The following TRAPPC11 variants were observed in gnomAD, a reference collection of about 807,000 sequenced individuals.
TRAPPC11 encodes trafficking protein particle complex subunit 11, also known as foie gras homolog.
Under a neutral mutation model 151.2 loss-of-function variants are expected in TRAPPC11, and 104 were observed. The observed-to-expected ratio is 0.69, with a 90% CI of 0.59 to 0.81. TRAPPC11 has a LOEUF of 0.81. TRAPPC11 is among the 30% of genes least tolerant of loss of function. The pLI is 0.00. For synonymous variants in TRAPPC11, 456 were observed against 472.3 expected (o/e 0.97, Z 0.45); for missense variants, 1,230 against 1,349.6 (o/e 0.91, Z 1.39).
chr4:183,706,298 T>A (rs991365319), intron 27 of TRAPPC11, among the ~76,000 whole-genome samples: 1 of 152,100 alleles, frequency 6.6e-6, no homozygotes, highest in Non-Finnish European at 1.5e-5. Context: ...CCAAGGTGGG[T>A]GGATCACGAG....
intron 29 of TRAPPC11, among the ~76,000 whole-genome samples, chr4:183,709,659 C>T (rs1737244219): frequency 6.6e-6 from 1 of 152,104 alleles, no homozygotes; most frequent in African/African-American, 2.4e-5. Context: ...CCTGTAGTTC[C>T]AGCTACTTGG....
chr4:183,665,140 G>C lies in TRAPPC11; in HGVS notation c.204+1069G>C, dbSNP rs1407842255. Among the ~76,000 whole-genome samples the C allele has an allele frequency of 2.7e-5, 4 of 147,024 alleles. No individual in the cohort carries two copies. The South Asian group carries it at 6.5e-4, about 24-fold the overall frequency. On this transcript the variant is annotated intron_variant, in intron 2 of 29. Coordinates refer to ENST00000334690, the MANE Select transcript of TRAPPC11 (RefSeq NM_021942.6). ...GACGGAGTCTCGCTCTGTCCCCGAGGCTGGAGTGCTGTGGCGCGATATCGG... is the reference window on the plus strand; with the variant it reads ...GACGGAGTCTCGCTCTGTCCCCGAGCCTGGAGTGCTGTGGCGCGATATCGG...
In TRAPPC11 at chr4:183,666,345, T is replaced by C; in HGVS notation, c.293T>C (p.Val98Ala). Residue 98 changes from valine (V) to alanine (A), a missense_variant, in exon 3 of 30, where the codon GTT (valine) becomes GCT (alanine). Val to Ala is a moderately conservative substitution (Grantham distance 64, BLOSUM62 0). Coordinates refer to ENST00000334690, the MANE Select transcript of TRAPPC11 (RefSeq NM_021942.6). ...KHLNLVPALV[V>A]VFYELDWDEP... ...CTGAATCTGGTGCCAGCCCTGGTGG[T>C]TGTGTTCTATGAACTGGACTGGGAT... The C allele has an allele frequency of 6.2e-7, 1 of 1,614,144 alleles. No homozygotes were observed. Among genetic ancestry groups the C allele is most frequent in the East Asian group, 2.2e-5 (1 of 44,886 alleles).
At position 183,679,430 on chromosome 4, in the gene TRAPPC11, G is replaced by T. The variant is rs1423801424; in HGVS notation, c.909G>T (p.Lys303Asn). Reference sequence around the variant, plus strand: ...TCCGAAAACACATCGACTTGTGTAAGAAAAAGATTGGAAGTGCAGAGCTGT... The same window carrying T: ...TCCGAAAACACATCGACTTGTGTAATAAAAAGATTGGAAGTGCAGAGCTGT... Reference protein sequence around the residue: ...AQFRKHIDLCKKKIGSAELSF... With the variant: ...AQFRKHIDLCNKKIGSAELSF... Residue 303 changes from lysine (K) to asparagine (N), a missense_variant, in exon 9 of 30, where the codon AAG becomes AAT. Coordinates refer to ENST00000334690, the MANE Select transcript of TRAPPC11 (RefSeq NM_021942.6). The T allele has an allele frequency of 6.2e-7, 1 of 1,613,074 alleles. No individual in the cohort carries two copies. The highest frequency in any genetic ancestry group is 2.2e-5 in the East Asian group (1 of 44,776).
At chr4:183,684,543 C>T (rs1579190438) in intron 14 of TRAPPC11, among the ~76,000 whole-genome samples, 153 bp from the exon 15 acceptor site, 1 of 152,108 alleles carries the variant, frequency 6.6e-6, no homozygotes, top group African/African-American at 2.4e-5. Flanking sequence ...TTTAAGAAAT[C>T]TCACGTTTAG....
At chr4:183,697,593 A>C (rs372718145) in intron 24 of TRAPPC11, 25 bp downstream of exon 24, 37 of 1,603,330 alleles carry the variant, frequency 2.3e-5, no homozygotes, top group Non-Finnish European at 3.0e-5. Context: ...GGCATACTAG[A>C]AATCATTTAG....
chr4:183,662,286 G>A (rs1253402212), intron 1 of TRAPPC11, among the ~76,000 whole-genome samples: 2 of 150,518 alleles, frequency 1.3e-5, no homozygotes, highest in Non-Finnish European at 3.0e-5. Flanking sequence ...AACCCGGGAG[G>A]TGGAGGTTGT....
chr4:183,696,722 T>C (rs983556875), intron 23 of TRAPPC11, among the ~76,000 whole-genome samples: 1 of 152,174 alleles, frequency 6.6e-6, no homozygotes, highest in Non-Finnish European at 1.5e-5. Context: ...CAGACTCTTT[T>C]AGAAAGGAGA....
At chr4:183,707,867 A>G (rs896062625) in intron 28 of TRAPPC11, among the ~76,000 whole-genome samples, 6 of 152,326 alleles carry the variant, frequency 3.9e-5, no homozygotes, top group African/African-American at 1.4e-4. Context: ...TAAAGATGCT[A>G]AAATCTTACC....
In TRAPPC11 at chr4:183,693,603, T is replaced by C. The variant is rs1381726046; in HGVS notation, c.2252T>C (p.Val751Ala). 1 of 1,611,728 alleles carries C rather than the reference T, an allele frequency of 6.2e-7. No individual in the cohort carries two copies. The change falls in exon 21 of 30, where the codon GTC (valine) becomes GCC (alanine). Residue 751 changes from valine to alanine, a missense_variant. Physicochemically the swap from Val to Ala is moderately conservative, Grantham distance 64 (BLOSUM62 0). Transcript: ENST00000334690. Reference protein sequence around the residue: ...IQASTMIISRVPNISVHLLHE... With the variant: ...IQASTMIISRAPNISVHLLHE... ...TCTTTTCAAAGGATCATATCCAGAG[T>C]CCCAAACATTTCTGTACATCTGCTA...
At position 183,683,968 on chromosome 4, in the gene TRAPPC11, T is replaced by TA; in HGVS notation, c.1208-6dup. On this transcript the variant is annotated splice_region_variant and splice_polypyrimidine_tract_variant and intron_variant, in intron 11 of 29. Coordinates refer to ENST00000334690, the MANE Select transcript of TRAPPC11 (RefSeq NM_021942.6). ...GTCTAAAATGAGTTGTGTCTCATCTTACGCAGGTTTTGATCTTTCTGATCC... is the reference window on the plus strand; with the variant it reads ...GTCTAAAATGAGTTGTGTCTCATCTTAACGCAGGTTTTGATCTTTCTGATCC... The TA allele has an allele frequency of 6.2e-7, 1 of 1,613,100 alleles. No homozygotes were observed. Among genetic ancestry groups the TA allele is most frequent in the Non-Finnish European group, 8.5e-7 (1 of 1,179,084 alleles).
At chr4:183,685,184 A>C in intron 16 of TRAPPC11, 39 bp downstream of exon 16, 1 of 1,610,606 alleles carries the variant, frequency 6.2e-7, no homozygotes. Context: ...GTTATTAGGA[A>C]TATGTGTACT....
At chr4:183,698,599 ATAAT>A (rs1162124769) in intron 25 of TRAPPC11, among the ~76,000 whole-genome samples, 22 of 152,346 alleles carry the variant, frequency 1.4e-4, no homozygotes, top group African/African-American at 5.1e-4. Flanking sequence ...TGTATGTGAA[ATAAT>A]TAATATATAT....
chr4:183,674,739 C>T lies in TRAPPC11; in HGVS notation c.587C>T (p.Ala196Val). The change falls in exon 6 of 30, where the codon GCA becomes GTA. Residue 196 changes from alanine (A) to valine (V), a missense_variant. By Grantham distance (64) the Ala-to-Val change is moderately conservative. Transcript: ENST00000334690. ...IRLENAFYEH[A>V]QTYYYTEIRR... is the part of the protein sequence containing the mutation. The stretch of plus-strand genomic sequence containing the variant: ...TTGGAAAATGCCTTTTATGAACATG[C>T]ACAGACTTATTACTACACTGAGATC... 6.3e-7 allele frequency: 1 copy of T among 1,575,586 alleles called. No homozygotes were observed. Among genetic ancestry groups the T allele is most frequent in the Non-Finnish European group, 8.6e-7 (1 of 1,164,400 alleles).
At chr4:183,711,411 G>C (rs890813289) in intron 29 of TRAPPC11, among the ~76,000 whole-genome samples, 1 of 152,122 alleles carries the variant, frequency 6.6e-6, no homozygotes, top group Non-Finnish European at 1.5e-5. Flanking sequence ...TGAATAAAAG[G>C]CTTTGGTTTT....
chr4:183,704,736 C>G (rs2111095475), intron 26 of TRAPPC11, among the ~76,000 whole-genome samples: 1 of 152,182 alleles, frequency 6.6e-6, no homozygotes, highest in African/African-American at 2.4e-5. Flanking sequence ...TGGTGTAAAC[C>G]TGGGAGGCAG....
chr4:183,708,621 CA>C, intron 29 of TRAPPC11, 47 bp downstream of exon 29: 1 of 1,547,478 alleles, frequency 6.5e-7, no homozygotes, highest in Non-Finnish European at 8.9e-7. Flanking sequence ...GTCTTAAAAA[CA>C]AACAGACTTC....
At chr4:183,682,258 TAAA>T (rs553908884) in intron 10 of TRAPPC11, among the ~76,000 whole-genome samples, 453 of 152,270 alleles carry the variant, frequency 3.0e-3, no homozygotes, top group Non-Finnish European at 5.0e-3. Context: ...AGGGAAAAGT[TAAA>T]AAGAAGAAAA....
At chr4:183,702,290 G>A (rs1003265339) in intron 26 of TRAPPC11, among the ~76,000 whole-genome samples, 1 of 151,388 alleles carries the variant, frequency 6.6e-6, no homozygotes, top group Non-Finnish European at 1.5e-5. Context: ...GTTTCAGTGA[G>A]CTGAGATTGT....
Sources: allele counts gnomAD v4.1 joint callset (sites outside exome capture counted in the v4.1 genomes callset), GRCh38; gene constraint gnomAD v4.1.1; transcripts MANE v1.5; gene names NCBI Gene and HGNC (gene_info 2026-07-23, HGNC 2026-07-21).